SAMD5: variants seen among roughly 807,000 people sequenced by gnomAD.
SAMD5 encodes the protein sterile alpha motif domain-containing protein 5.
Under a neutral mutation model 11.3 loss-of-function variants are expected in SAMD5, and 13 were observed. That is an observed-to-expected ratio of 1.15 (90% CI 0.75 to 1.83). The LOEUF is 1.83. Among genes scored for constraint, SAMD5 ranks in the 40% most tolerant of loss-of-function variants. The pLI is 0.00. For synonymous variants in SAMD5, 129 were observed against 111.3 expected, an observed-to-expected ratio of 1.16 and a Z score of -1.00; for missense variants, 255 against 239.1, an observed-to-expected ratio of 1.07 and a Z score of -0.44.
chr6:147,600,794 G>T (rs1034410211), intron 1 of SAMD5, among the ~76,000 whole-genome samples: 4 of 152,194 alleles, frequency 2.6e-5, no homozygotes, highest in Non-Finnish European at 5.9e-5. Context: ...AGCAGAAAGT[G>T]TGAGAACAAA....
At chr6:147,805,312 A>G in the SAMD5 span, among the ~76,000 whole-genome samples, 1 of 152,202 alleles carries the variant, frequency 6.6e-6, no homozygotes, top group South Asian at 2.1e-4. Context: ...TTCCATTTCC[A>G]TTGTAAATAT....
At chr6:147,630,807 C>T (rs1368942016) in intron 1 of SAMD5, among the ~76,000 whole-genome samples, 1 of 152,200 alleles carries the variant, frequency 6.6e-6, no homozygotes, top group Non-Finnish European at 1.5e-5. Flanking sequence ...TCTCCCTTCT[C>T]TTAATTTCAA....
At chr6:147,731,518 T>C (rs1791713209) in intron 1 of SAMD5, among the ~76,000 whole-genome samples, 1 of 152,148 alleles carries the variant, frequency 6.6e-6, no homozygotes, top group Admixed American at 6.5e-5. Flanking sequence ...TGAAAATCTA[T>C]TTCCTTTATT....
At chr6:147,590,561 C>T (rs1342736416) in intron 1 of SAMD5, among the ~76,000 whole-genome samples, 1 of 152,132 alleles carries the variant, frequency 6.6e-6, no homozygotes, top group Non-Finnish European at 1.5e-5. Flanking sequence ...TACAGGCACG[C>T]ACTGCCATGC....
chr6:147,646,241 T>A (rs1018874978), intron 1 of SAMD5, among the ~76,000 whole-genome samples: 3 of 152,052 alleles, frequency 2.0e-5, no homozygotes, highest in African/African-American at 7.2e-5. Context: ...AGTAGTCAAT[T>A]CATAGACCAG....
chr6:147,513,011 G>A (rs955501220), intron 1 of SAMD5, among the ~76,000 whole-genome samples: 1 of 152,114 alleles, frequency 6.6e-6, no homozygotes, highest in Non-Finnish European at 1.5e-5. Flanking sequence ...AGAGGAGCAG[G>A]GTCTTAAGGG....
chr6:147,603,229 T>C (rs532389408), intron 1 of SAMD5, among the ~76,000 whole-genome samples: 47 of 152,156 alleles, frequency 3.1e-4, no homozygotes, highest in Non-Finnish European at 6.5e-4. Flanking sequence ...TTCGGGGACA[T>C]ATTAATAAAA....
chr6:147,681,467 AG>A (rs1790939616), intron 1 of SAMD5, among the ~76,000 whole-genome samples: 1 of 152,068 alleles, frequency 6.6e-6, no homozygotes, highest in Non-Finnish European at 1.5e-5. Flanking sequence ...ATATAGTTAT[AG>A]TAACTCTTTT....
the SAMD5 span, among the ~76,000 whole-genome samples, chr6:147,872,321 C>G: frequency 6.6e-6 from 1 of 152,124 alleles, no homozygotes; most frequent in South Asian, 2.1e-4. Context: ...TGATCTAAAT[C>G]TCCTAGCCTC....
At chr6:147,786,848 G>A in the SAMD5 span, among the ~76,000 whole-genome samples, 2 of 152,178 alleles carry the variant, frequency 1.3e-5, no homozygotes, top group African/African-American at 4.8e-5. Context: ...GAATATTCTA[G>A]TATGTTTGAC....
At chr6:147,667,569 A>G (rs1171129624) in intron 1 of SAMD5, among the ~76,000 whole-genome samples, 2 of 152,188 alleles carry the variant, frequency 1.3e-5, no homozygotes, top group Non-Finnish European at 2.9e-5. Flanking sequence ...GGTTCTCTCC[A>G]TTCACCAACT....
At chr6:147,623,737 C>T (rs1371699233) in intron 1 of SAMD5, among the ~76,000 whole-genome samples, 1 of 152,172 alleles carries the variant, frequency 6.6e-6, no homozygotes, top group Non-Finnish European at 1.5e-5. Context: ...AGAGCCATTA[C>T]ATTTAAGTAA....
At chr6:147,587,415 T>G (rs758422666) in intron 1 of SAMD5, among the ~76,000 whole-genome samples, 8 of 152,076 alleles carry the variant, frequency 5.3e-5, no homozygotes, top group Non-Finnish European at 1.0e-4. Context: ...TTTTGTATTT[T>G]TAGTAGAGAT....
intron 1 of SAMD5, among the ~76,000 whole-genome samples, chr6:147,512,055 A>G (rs577971626): frequency 6.6e-6 from 1 of 152,248 alleles, no homozygotes; most frequent in South Asian, 2.1e-4. Flanking sequence ...CCTGGGTTCA[A>G]GCAATTCTCC....
the SAMD5 span, among the ~76,000 whole-genome samples, chr6:147,820,073 C>T: frequency 6.6e-6 from 1 of 152,104 alleles, no homozygotes; most frequent in Non-Finnish European, 1.5e-5. Context: ...TTAAGGTGGC[C>T]TCTGGGCCTA....
intron 1 of SAMD5, among the ~76,000 whole-genome samples, chr6:147,552,715 C>G (rs112196303): frequency 6.6e-6 from 1 of 152,040 alleles, no homozygotes; most frequent in African/African-American, 2.4e-5. Flanking sequence ...ATACATATGC[C>G]TGTGTGGGGC....
At chr6:147,725,644 C>T (rs1791615877) in intron 1 of SAMD5, among the ~76,000 whole-genome samples, 1 of 152,200 alleles carries the variant, frequency 6.6e-6, no homozygotes, top group Admixed American at 6.5e-5. Context: ...CCGCCTTGGC[C>T]TCCCAAAGTT....
the SAMD5 span, among the ~76,000 whole-genome samples, chr6:147,944,289 G>T: frequency 6.6e-6 from 1 of 152,046 alleles, no homozygotes; most frequent in Non-Finnish European, 1.5e-5. Context: ...AAAAGAAAGA[G>T]GTTTAATGGC....
the SAMD5 span, among the ~76,000 whole-genome samples, chr6:147,755,038 A>G: frequency 6.6e-6 from 1 of 152,046 alleles, no homozygotes; most frequent in African/African-American, 2.4e-5. Flanking sequence ...AACTTTGGCT[A>G]TCCTGGGTCT....
Sources: gnomAD v4.1 joint callset for allele counts (sites outside exome capture counted in the v4.1 genomes callset) on GRCh38, gnomAD v4.1.1 for gene constraint, MANE v1.5 for transcripts, NCBI Gene and HGNC (gene_info 2026-07-23, HGNC 2026-07-21) for gene names.